The following OSGIN2 variants were observed in gnomAD, a reference collection of about 807,000 sequenced individuals.
OSGIN2 encodes oxidative stress-induced growth inhibitor 2.
A neutral mutation model predicts 53.8 loss-of-function variants in OSGIN2; 19 were observed. The ratio of observed to expected loss-of-function variants is 0.35; its 90% CI spans 0.25 to 0.52. OSGIN2 has a LOEUF of 0.52. OSGIN2 is among the 20% of genes least tolerant of loss of function. The probability of loss-of-function intolerance (pLI) is 0.95; values close to 1 mark genes in which losing one functional copy is unlikely to be tolerated. For missense variants in OSGIN2, 520 were observed against 662.7 expected, an observed-to-expected ratio of 0.78 and a Z score of 2.36; for synonymous variants, 236 against 236.0, an observed-to-expected ratio of 1.00 and a Z score of 0.00.
chr8:89,915,646 T>A (rs941494463), intron 4 of OSGIN2, among the ~76,000 whole-genome samples: 1 of 152,218 alleles, frequency 6.6e-6, no homozygotes, highest in Non-Finnish European at 1.5e-5. Flanking sequence ...TTATACAAAT[T>A]GATGTTAAGT....
At position 89,925,491 on chromosome 8, in the gene OSGIN2, C is replaced by T; in HGVS notation, c.1609C>T (p.His537Tyr). The change falls in exon 6 of 6, where the codon CAT becomes TAT. Residue 537 changes from histidine (H) to tyrosine (Y), a missense_variant. By Grantham distance (83) the His-to-Tyr change is moderately conservative. Around this residue, in one of 3 missense-constraint regions of OSGIN2, gnomAD observed 239 missense variants for 328.3 expected, o/e 0.73. Coordinates refer to ENST00000451899, the MANE Select transcript of OSGIN2 (RefSeq NM_001126111.3). Reference sequence around the variant, plus strand: ...TTTAGCTACAAGACAGAAGAAAAAGCATTTGTTTGTTGAAAGAGGAGGAGG... The same window carrying T: ...TTTAGCTACAAGACAGAAGAAAAAGTATTTGTTTGTTGAAAGAGGAGGAGG... The part of the protein sequence containing the change: ...RCLATRQKKK[H>Y]LFVERGGGDG... 6.2e-7 allele frequency: 1 copy of T among 1,613,938 alleles called. No homozygotes were observed. The highest frequency in any genetic ancestry group is 8.5e-7 in the Non-Finnish European group (1 of 1,179,910).
In OSGIN2 at chr8:89,925,420, A is replaced by G. The variant is rs1183333932; in HGVS notation, c.1538A>G (p.Asn513Ser). ...LFALGPLVGD[N>S]FVRFLKGGAL... ...GCATTGGGTCCTTTGGTTGGAGACA[A>G]TTTTGTTCGATTTTTAAAGGGAGGG... The change falls in exon 6 of 6, where the codon AAT (asparagine) becomes AGT (serine). Residue 513 changes from asparagine to serine, a missense_variant. By Grantham distance (46) the Asn-to-Ser change is conservative. Around this residue, in one of 3 missense-constraint regions of OSGIN2, gnomAD observed 239 missense variants for 328.3 expected, o/e 0.73. Transcript: ENST00000451899. 6.2e-7 allele frequency: 1 copy of G among 1,614,124 alleles called. No individual in the cohort carries two copies. Among genetic ancestry groups the G allele is most frequent in the East Asian group, 2.2e-5 (1 of 44,880 alleles).
intron 4 of OSGIN2, 95 bp downstream of exon 4, chr8:89,914,841 A>T (rs1199641075): frequency 5.9e-6 from 5 of 854,016 alleles, no homozygotes; most frequent in Non-Finnish European, 9.4e-6. Flanking sequence ...GTTATATGTG[A>T]TGTTTATCAC....
At position 89,927,500 on chromosome 8, in the gene OSGIN2, T is replaced by C. The variant is rs1475786952; in HGVS notation, c.*1968T>C. ...TTTCTGTCCCGTAATTCTAACACTT[T>C]ACATTTTTTCTTTGCTATCAGCTAT... On this transcript the variant is annotated 3_prime_UTR_variant, in exon 6 of 6. Transcript: ENST00000451899. 1 of 152,228 alleles carries C rather than the reference T, an allele frequency of 6.6e-6. No homozygotes were observed. The highest frequency in any genetic ancestry group is 1.5e-5 in the Non-Finnish European group (1 of 68,042). 9.4% of individuals were successfully genotyped at this position (152,228 alleles called of 1,614,324 possible). A position where few individuals can be genotyped will look rare whatever the true frequency, so the allele number is the denominator to read the frequency against.
rs115290202 is a variant in OSGIN2 at position 89,904,930 on chromosome 8, C to A, written c.44+2093C>A. ...TCCACTAACTTTCCAAAGGAAAAAACCTCTTCCTTCGTGTTCTGGAAGATG... is the reference window on the plus strand; with the variant it reads ...TCCACTAACTTTCCAAAGGAAAAAAACTCTTCCTTCGTGTTCTGGAAGATG... On this transcript the variant is annotated intron_variant, in intron 1 of 5. Transcript: ENST00000451899. Among the ~76,000 whole-genome samples, 622 of 152,268 alleles carry A rather than the reference C, an allele frequency of 4.1e-3. 4 individuals carry two copies. Among genetic ancestry groups the A allele is most frequent in the African/African-American group, 0.014 (585 of 41,558 alleles).
Position 89,927,531 on chromosome 8 carries a change from TTCA to T in OSGIN2, c.*2001_*2003del, listed in dbSNP as rs1255096123. ...TTTTCTTTGCTATCAGCTATAGCTA[TTCA>T]TGGAAGGGAAGAATCACTAAATACT... is the stretch of plus-strand genomic sequence containing the variant. On this transcript the variant is annotated 3_prime_UTR_variant, in exon 6 of 6. Coordinates refer to ENST00000451899, the MANE Select transcript of OSGIN2 (RefSeq NM_001126111.3). The T allele has an allele frequency of 6.6e-5, 10 of 152,238 alleles. No individual in the cohort carries two copies. The highest frequency in any genetic ancestry group is 1.3e-4 in the Non-Finnish European group (9 of 68,032). 9.4% of individuals were successfully genotyped at this position (152,238 alleles called of 1,614,324 possible). A position where few individuals can be genotyped will look rare whatever the true frequency, so the allele number is the denominator to read the frequency against.
At chr8:89,924,382 T>C in intron 5 of OSGIN2, 121 bp from the exon 6 acceptor site, 1 of 687,868 alleles carries the variant, frequency 1.5e-6, no homozygotes, top group Non-Finnish European at 2.4e-6. Context: ...GTTAGGATAA[T>C]GTATAGCTAA....
Position 89,924,575 on chromosome 8 carries a change from T to TCTTC in OSGIN2, c.694_697dup (p.Gln233ProfsTer23). 1 of 1,613,766 alleles carries TCTTC rather than the reference T, an allele frequency of 6.2e-7. No individual in the cohort carries two copies. The highest frequency in any genetic ancestry group is 1.1e-5 in the South Asian group (1 of 91,078). On this transcript the variant is annotated frameshift_variant, in exon 6 of 6. Coordinates refer to ENST00000451899, the MANE Select transcript of OSGIN2 (RefSeq NM_001126111.3). LOFTEE classifies it high-confidence loss of function. ...ATAAACATTATGTAAAAGTCATGGGTCTTCAGAAGAATTTCAGAGAGAATA... is the reference window on the plus strand; with the variant it reads ...ATAAACATTATGTAAAAGTCATGGGTCTTCCTTCAGAAGAATTTCAGAGAGAATA...
rs1809373878 is a variant in OSGIN2 at position 89,927,594 on chromosome 8, T to C, written c.*2062T>C. 2.0e-5 allele frequency: 3 copies of C among 152,242 alleles called. No homozygotes were observed. The highest frequency in any genetic ancestry group is 2.0e-4 in the Admixed American group (3 of 15,282). The allele number at this position is 152,242 out of a possible 1,614,324, so 9.4% of individuals were successfully genotyped here. A position where few individuals can be genotyped will look rare whatever the true frequency, so the allele number is the denominator to read the frequency against. ...ATAGCATGATGTGAGCATCTCCTCC[T>C]TATCCCTCGATGCCTGGCTTGGTGT... On this transcript the variant is annotated 3_prime_UTR_variant, in exon 6 of 6. Coordinates refer to ENST00000451899, the MANE Select transcript of OSGIN2 (RefSeq NM_001126111.3).
At chr8:89,912,563 C>T (rs141207149) in intron 2 of OSGIN2, among the ~76,000 whole-genome samples, 8 of 152,010 alleles carry the variant, frequency 5.3e-5, no homozygotes, top group East Asian at 1.9e-4. Context: ...CTGGCCAACA[C>T]GCTGAAACCC....
At position 89,926,808 on chromosome 8, in the gene OSGIN2, T is replaced by G. The variant is rs1809343469; in HGVS notation, c.*1276T>G. The G allele has an allele frequency of 6.6e-6, 1 of 152,208 alleles. No homozygotes were observed. The highest frequency in any genetic ancestry group is 1.9e-4 in the East Asian group (1 of 5,204). The allele number at this position is 152,208 out of a possible 1,614,324, so 9.4% of individuals were successfully genotyped here. The stretch of plus-strand genomic sequence containing the variant: ...GGAATGTCTTCATTGAACTCGTTAT[T>G]CTATTTTTCTTAGAATTAAAAGTGG... On this transcript the variant is annotated 3_prime_UTR_variant, in exon 6 of 6. Coordinates refer to ENST00000451899, the MANE Select transcript of OSGIN2 (RefSeq NM_001126111.3).
At chr8:89,903,868 T>C (rs1206170585) in intron 1 of OSGIN2, among the ~76,000 whole-genome samples, 1 of 152,198 alleles carries the variant, frequency 6.6e-6, no homozygotes, top group African/African-American at 2.4e-5. Context: ...GAGAAGCACA[T>C]ATATATATCG....
chr8:89,902,765 G>C lies in OSGIN2; in HGVS notation c.-29G>C. 4 of 1,221,334 alleles carry C rather than the reference G, an allele frequency of 3.3e-6. No individual in the cohort carries two copies. Among genetic ancestry groups the C allele is most frequent in the Non-Finnish European group, 4.1e-6 (4 of 972,732 alleles). 75.7% of individuals were successfully genotyped at this position (1,221,334 alleles called of 1,614,324 possible). A position where few individuals can be genotyped will look rare whatever the true frequency, so the allele number is the denominator to read the frequency against. On this transcript the variant is annotated 5_prime_UTR_variant, in exon 1 of 6. Transcript: ENST00000451899. ...GGAGGCGGAGGCGGCCACGGCGGCC[G>C]CGCTCGGGCGCCCCTCGCGCAGCGC...
intron 4 of OSGIN2, among the ~76,000 whole-genome samples, chr8:89,920,776 G>A (rs1461448146): frequency 6.6e-6 from 1 of 152,178 alleles, no homozygotes; most frequent in East Asian, 1.9e-4. Context: ...TCTGAATTAT[G>A]TTGATCATAG....
Position 89,925,399 on chromosome 8 carries a change from TG to T in OSGIN2, c.1520del (p.Gly507ValfsTer12). 1 of 1,614,128 alleles carries T rather than the reference TG, an allele frequency of 6.2e-7. No individual in the cohort carries two copies. Among genetic ancestry groups the T allele is most frequent in the East Asian group, 2.2e-5 (1 of 44,880 alleles). On this transcript the variant is annotated frameshift_variant, in exon 6 of 6. Transcript: ENST00000451899. LOFTEE classifies it high-confidence loss of function. ...ATTAAAGAAGCCAACCTTTTTGCAT[TG>T]GGTCCTTTGGTTGGAGACAATTTTG... Reference protein sequence around the residue: ...ECIKEANLFALGPLVGDNFVR... With the variant: ...ECIKEANLFAXGPLVGDNFVR...
chr8:89,917,029 C>T (rs951963482), intron 4 of OSGIN2, among the ~76,000 whole-genome samples: 2 of 152,174 alleles, frequency 1.3e-5, no homozygotes, highest in Non-Finnish European at 2.9e-5. Context: ...TTTACCATTC[C>T]AGACTGTCTC....
chr8:89,908,567 C>A (rs1042285579), intron 1 of OSGIN2, among the ~76,000 whole-genome samples: 18 of 152,034 alleles, frequency 1.2e-4, no homozygotes, highest in Non-Finnish European at 2.6e-4. Flanking sequence ...ACACACTTAC[C>A]CACTAGTAGA....
chr8:89,919,627 A>C (rs1563474386), intron 4 of OSGIN2, among the ~76,000 whole-genome samples: 1 of 152,192 alleles, frequency 6.6e-6, no homozygotes, highest in African/African-American at 2.4e-5. Context: ...CTGGTTCTGA[A>C]GACAGGCTTT....
intron 5 of OSGIN2, among the ~76,000 whole-genome samples, chr8:89,922,483 T>C (rs949704264): frequency 2.0e-5 from 3 of 152,244 alleles, no homozygotes; most frequent in Non-Finnish European, 4.4e-5. Context: ...CTTTATGATT[T>C]ATGTACCAGA....
Sources: allele counts gnomAD v4.1 joint callset (sites outside exome capture counted in the v4.1 genomes callset), GRCh38; gene constraint gnomAD v4.1.1; regional missense constraint gnomAD v4.1.1; transcripts MANE v1.5; gene names NCBI Gene and HGNC (gene_info 2026-07-23, HGNC 2026-07-21).